The following ARK2C variants were observed in gnomAD, a reference collection of about 807,000 sequenced individuals.
ARK2C encodes arkadia (RNF111) C-terminal like ring finger ubiquitin ligase 2C, also known as E3 ubiquitin-protein ligase ARK2C.
the ARK2C span, among the ~76,000 whole-genome samples, chr18:46,424,447 G>T: frequency 2.0e-5 from 3 of 152,168 alleles, no homozygotes; most frequent in Non-Finnish European, 4.4e-5. Context: ...GAGGGATTTC[G>T]AAGGTCAGCG....
chr18:46,389,816 C>A, the ARK2C span, among the ~76,000 whole-genome samples: 1 of 152,120 alleles, frequency 6.6e-6, no homozygotes, highest in African/African-American at 2.4e-5. Context: ...GCAGCCTCGA[C>A]TGCCCAGTCT....
chr18:46,351,868 T>A, the ARK2C span, among the ~76,000 whole-genome samples: 1 of 152,046 alleles, frequency 6.6e-6, no homozygotes, highest in African/African-American at 2.4e-5. Context: ...CAGCAAACGG[T>A]AAATCTATTG....
chr18:46,364,403 CTT>C, the ARK2C span, among the ~76,000 whole-genome samples: 5 of 114,754 alleles, frequency 4.4e-5, no homozygotes, highest in African/African-American at 2.0e-4. Flanking sequence ...GTCTAAGAAA[CTT>C]AAAAAAAAAA....
chr18:46,418,498 C>T, the ARK2C span, among the ~76,000 whole-genome samples: 2 of 152,152 alleles, frequency 1.3e-5, no homozygotes, highest in Non-Finnish European at 2.9e-5. Flanking sequence ...TCTCTGATGT[C>T]TTGTGTCTGT....
At chr18:46,444,021 T>C in the ARK2C span, among the ~76,000 whole-genome samples, 1 of 152,264 alleles carries the variant, frequency 6.6e-6, no homozygotes, top group East Asian at 1.9e-4. Context: ...TATATATTTC[T>C]ATATATTTCT....
chr18:46,334,422 G>A, the ARK2C span: 2 of 1,194,604 alleles, frequency 1.7e-6, no homozygotes, highest in Non-Finnish European at 1.1e-6. This position sits in a 1 kb window ranked among gnomAD's most constrained non-coding sequence, Gnocchi z 4.4. Context: ...GCGGCCGGGG[G>A]CTCAGGGCAC....
At chr18:46,437,980 G>C in the ARK2C span, among the ~76,000 whole-genome samples, 1 of 152,210 alleles carries the variant, frequency 6.6e-6, no homozygotes, top group Non-Finnish European at 1.5e-5. Flanking sequence ...CCTGAGCCTG[G>C]AGTCACCCAT....
At chr18:46,431,935 C>T in the ARK2C span, among the ~76,000 whole-genome samples, 1 of 152,216 alleles carries the variant, frequency 6.6e-6, no homozygotes, top group Non-Finnish European at 1.5e-5. Flanking sequence ...TTTCTCAACT[C>T]TGCTAATTCC....
At chr18:46,420,582 C>T in the ARK2C span, among the ~76,000 whole-genome samples, 29 of 152,090 alleles carry the variant, frequency 1.9e-4, no homozygotes, top group African/African-American at 5.5e-4. Context: ...CGGTGGCTCA[C>T]GCCTGTAATC....
chr18:46,450,848 G>T, the ARK2C span: 1 of 1,402,108 alleles, frequency 7.1e-7, no homozygotes. Flanking sequence ...TGGGGCAGGG[G>T]GGTTGTCTAA....
At chr18:46,375,031 A>G in the ARK2C span, among the ~76,000 whole-genome samples, 1 of 152,156 alleles carries the variant, frequency 6.6e-6, no homozygotes. Context: ...GTGGAGGACC[A>G]GAGAGAGGCA....
the ARK2C span, among the ~76,000 whole-genome samples, chr18:46,363,305 G>T: frequency 1.8e-4 from 27 of 152,220 alleles, no homozygotes; most frequent in African/African-American, 6.0e-4. Context: ...TGCAGAGGAA[G>T]CAAAGGCCAG....
chr18:46,404,804 A>ACC, the ARK2C span, among the ~76,000 whole-genome samples: 4 of 149,530 alleles, frequency 2.7e-5, no homozygotes, highest in African/African-American at 9.8e-5. Context: ...ACACACAACA[A>ACC]CCCCCCCACC....
At chr18:46,389,838 C>A in the ARK2C span, among the ~76,000 whole-genome samples, 1 of 152,164 alleles carries the variant, frequency 6.6e-6, no homozygotes, top group Non-Finnish European at 1.5e-5. Flanking sequence ...AGCTGATCCT[C>A]CCACCTCAGC....
the ARK2C span, among the ~76,000 whole-genome samples, chr18:46,412,306 G>T: frequency 6.6e-6 from 1 of 152,260 alleles, no homozygotes; most frequent in African/African-American, 2.4e-5. Flanking sequence ...TGCCCAGTTG[G>T]CCAGAAGCAG....
At chr18:46,447,956 C>A in the ARK2C span, among the ~76,000 whole-genome samples, 1 of 142,720 alleles carries the variant, frequency 7.0e-6, no homozygotes, top group African/African-American at 2.6e-5. Context: ...CTGTTATCAG[C>A]CCCCTATGCC....
At chr18:46,365,756 G>A in the ARK2C span, among the ~76,000 whole-genome samples, 3 of 152,218 alleles carry the variant, frequency 2.0e-5, no homozygotes, top group Admixed American at 1.3e-4. Context: ...GCCTGCCTTG[G>A]CCTCCCAAAG....
the ARK2C span, chr18:46,462,881 G>A: frequency 2.0e-5 from 3 of 152,376 alleles, no homozygotes; most frequent in African/African-American, 7.2e-5. Flanking sequence ...CCCCTGGCAA[G>A]TGAAAGGATT....
the ARK2C span, among the ~76,000 whole-genome samples, chr18:46,390,359 A>G: frequency 1.3e-5 from 2 of 152,192 alleles, no homozygotes; most frequent in Non-Finnish European, 2.9e-5. Flanking sequence ...GGAATGGGGC[A>G]TTGTGGAGAT....
Sources: allele counts gnomAD v4.1 joint callset (sites outside exome capture counted in the v4.1 genomes callset), GRCh38; gene constraint gnomAD v4.1.1; non-coding constraint Gnocchi (gnomAD v3.1); transcripts MANE v1.5; gene names NCBI Gene and HGNC (gene_info 2026-07-23, HGNC 2026-07-21).